The following RALYL variants were observed in gnomAD, a reference collection of about 807,000 sequenced individuals.
RALYL encodes RALY RNA binding protein like.
In RALYL, 29 loss-of-function variants were observed where a neutral mutation model predicts 35.1. The observed-to-expected ratio is 0.83, with a 90% CI of 0.61 to 1.13. The LOEUF (loss-of-function observed/expected upper bound fraction) is 1.13, where lower values mean the gene tolerates loss of function less well. Ranked by LOEUF, RALYL falls within the 50% of genes most tolerant of loss-of-function variation. RALYL has a pLI of 0.00. For synonymous variants in RALYL, 120 were observed against 127.6 expected, an observed-to-expected ratio of 0.94 and a Z score of 0.40; for missense variants, 359 against 360.4, an observed-to-expected ratio of 1.00 and a Z score of 0.03.
At chr8:84,596,024 G>A (rs1814447474) in intron 2 of RALYL, among the ~76,000 whole-genome samples, 1 of 152,054 alleles carries the variant, frequency 6.6e-6, no homozygotes, top group Non-Finnish European at 1.5e-5. Flanking sequence ...CATGATATGA[G>A]ATTTGCTCAG....
intron 1 of RALYL, among the ~76,000 whole-genome samples, chr8:84,185,626 G>A (rs1812332612): frequency 6.6e-6 from 1 of 152,062 alleles, no homozygotes; most frequent in South Asian, 2.1e-4. Flanking sequence ...CTTTGATTTT[G>A]AAGCTTTGAT....
chr8:84,388,534 T>G (rs1366172587), intron 1 of RALYL, among the ~76,000 whole-genome samples: 2 of 152,098 alleles, frequency 1.3e-5, no homozygotes, highest in African/African-American at 4.8e-5. Flanking sequence ...GACTGCCATT[T>G]AATTGGTGTG....
At chr8:84,808,230 A>G (rs568650661) in intron 4 of RALYL, among the ~76,000 whole-genome samples, 2 of 152,248 alleles carry the variant, frequency 1.3e-5, no homozygotes, top group East Asian at 3.9e-4. Context: ...TGGCTTGCCA[A>G]TTATCCCAGT....
chr8:84,903,268 A>G (rs1211359612), intron 8 of RALYL, among the ~76,000 whole-genome samples: 2 of 152,210 alleles, frequency 1.3e-5, no homozygotes, highest in Non-Finnish European at 2.9e-5. Context: ...TTTCATTTAT[A>G]TGGGAATACT....
intron 1 of RALYL, among the ~76,000 whole-genome samples, chr8:84,525,864 A>G (rs116910409): frequency 0.013 from 1,921 of 151,262 alleles, 13 homozygotes; most frequent in Middle Eastern, 0.027. Context: ...TCATATTTCA[A>G]TTCTTAAGAT....
chr8:84,199,193 T>C (rs913943278), intron 1 of RALYL, among the ~76,000 whole-genome samples: 3 of 152,192 alleles, frequency 2.0e-5, no homozygotes, highest in Admixed American at 2.0e-4. Flanking sequence ...TCATTTTACC[T>C]GGGATGAGAT....
At position 84,543,146 on chromosome 8, in the gene RALYL, A is replaced by AT. The variant is rs1019462062; in HGVS notation, c.256+13575dup. 5.9e-5 allele frequency among the ~76,000 whole-genome samples: 9 copies of AT among 152,140 alleles called. 1 individual carries two copies. The South Asian group carries it at 6.2e-4, about 11-fold the overall frequency. ...AGAGGCTTGATTAGATTCAGGTGGA[A>AT]TTTTTTAAAGATTTATTCCTGGTGA... is the stretch of plus-strand genomic sequence containing the variant. On this transcript the variant is annotated intron_variant, in intron 2 of 8. Transcript: ENST00000521268.
chr8:84,491,623 T>C lies in RALYL; in HGVS notation c.-23-37676T>C, dbSNP rs189296073. 5.2e-3 allele frequency among the ~76,000 whole-genome samples: 793 copies of C among 152,094 alleles called. 4 individuals carry two copies. The highest frequency in any genetic ancestry group is 0.018 in the African/African-American group (764 of 41,544). On this transcript the variant is annotated intron_variant, in intron 1 of 8. Transcript: ENST00000521268. ...AGCTGATTTTCTCAGAATTTCCCCT[T>C]GCTTTAACGAAAACAAAAGAAGGAA... is the stretch of plus-strand genomic sequence containing the variant.
chr8:84,661,955 T>G (rs76051189), intron 2 of RALYL, among the ~76,000 whole-genome samples: 9,987 of 151,480 alleles, frequency 0.066, 800 homozygotes, highest in African/African-American at 0.19. Flanking sequence ...TTTTTTTTTT[T>G]CCTTGTGGTC....
At chr8:84,223,364 G>A (rs1244559626) in intron 1 of RALYL, among the ~76,000 whole-genome samples, 15 of 152,148 alleles carry the variant, frequency 9.9e-5, no homozygotes, top group African/African-American at 3.1e-4. Flanking sequence ...CATCTGACTA[G>A]TTCAGACTGA....
At position 84,467,108 on chromosome 8, in the gene RALYL, A is replaced by G. The variant is rs1156640672; in HGVS notation, c.-23-62191A>G. Among the ~76,000 whole-genome samples, 8 of 151,862 alleles carry G rather than the reference A, an allele frequency of 5.3e-5. No individual in the cohort carries two copies. The East Asian group carries it at 5.8e-4, about 11-fold the overall frequency. ...CAAAAAACCAGCTCCTGGATTCATT[A>G]ATTTTTTGAAGGGTTTTTTGTGTCA... is the stretch of plus-strand genomic sequence containing the variant. On this transcript the variant is annotated intron_variant, in intron 1 of 8. Coordinates refer to ENST00000521268, the MANE Select transcript of RALYL (RefSeq NM_173848.7).
At chr8:84,717,843 G>T (rs1003545691) in intron 2 of RALYL, among the ~76,000 whole-genome samples, 4 of 152,034 alleles carry the variant, frequency 2.6e-5, no homozygotes, top group African/African-American at 7.2e-5. Flanking sequence ...CTTCCTAATG[G>T]GCATTTTTTA....
chr8:84,699,494 T>C (rs1839817329), intron 2 of RALYL, among the ~76,000 whole-genome samples: 1 of 152,104 alleles, frequency 6.6e-6, no homozygotes, highest in Non-Finnish European at 1.5e-5. Flanking sequence ...GAGGGCCTTC[T>C]TTCTGGTCAA....
At chr8:84,638,484 A>G (rs370656075) in intron 2 of RALYL, among the ~76,000 whole-genome samples, 2 of 151,904 alleles carry the variant, frequency 1.3e-5, no homozygotes, top group East Asian at 3.9e-4. Context: ...TGAAATTGAA[A>G]CAATAAAAAA....
intron 1 of RALYL, among the ~76,000 whole-genome samples, chr8:84,240,831 C>A (rs1048197372): frequency 2.0e-5 from 3 of 152,034 alleles, no homozygotes; most frequent in Non-Finnish European, 1.5e-5. Context: ...TGAGTGTTGA[C>A]AAAAAGATGT....
At position 84,774,583 on chromosome 8, in the gene RALYL, C is replaced by A; in HGVS notation, c.261C>A (p.Ile87=). The change falls in exon 3 of 9, where the codon ATC becomes ATA. Residue 87 remains isoleucine (I), a synonymous_variant. Coordinates refer to ENST00000521268, the MANE Select transcript of RALYL (RefSeq NM_173848.7). ...ARVIAGQPLD[I]NMAGEPKPYR... Reference sequence around the variant, plus strand: ...TGTTTTATTTTATGCTTTCAGATATCAACATGGCAGGAGAGCCCAAACCAT... The same window carrying A: ...TGTTTTATTTTATGCTTTCAGATATAAACATGGCAGGAGAGCCCAAACCAT... The A allele has an allele frequency of 1.2e-6, 2 of 1,601,640 alleles. No homozygotes were observed. Among genetic ancestry groups the A allele is most frequent in the South Asian group, 2.2e-5 (2 of 89,216 alleles).
At chr8:84,221,743 G>A (rs987232314) in intron 1 of RALYL, among the ~76,000 whole-genome samples, 1 of 151,928 alleles carries the variant, frequency 6.6e-6, no homozygotes, top group African/African-American at 2.4e-5. Context: ...TAAAATTAAA[G>A]TGAGAAAAAC....
intron 1 of RALYL, among the ~76,000 whole-genome samples, chr8:84,463,618 T>G (rs1275189737): frequency 6.6e-6 from 1 of 152,106 alleles, no homozygotes; most frequent in Non-Finnish European, 1.5e-5. Context: ...TTGTGCTCAG[T>G]AAGTTATTTA....
intron 1 of RALYL, among the ~76,000 whole-genome samples, chr8:84,198,437 C>T (rs372693630): frequency 4.5e-4 from 69 of 152,012 alleles, no homozygotes; most frequent in South Asian, 1.5e-3. Flanking sequence ...TGATACAGGC[C>T]GGCAATGCAT....
Sources: gnomAD v4.1 joint callset for allele counts (sites outside exome capture counted in the v4.1 genomes callset) on GRCh38, gnomAD v4.1.1 for gene constraint, MANE v1.5 for transcripts, NCBI Gene and HGNC (gene_info 2026-07-23, HGNC 2026-07-21) for gene names.